The following ATP11B variants were observed in gnomAD, a reference collection of about 807,000 sequenced individuals.
ATP11B encodes phospholipid-transporting ATPase IF.
Under a neutral mutation model 157.8 loss-of-function variants are expected in ATP11B, and 81 were observed. That is an observed-to-expected ratio of 0.51 (90% CI 0.43 to 0.62). ATP11B has a LOEUF of 0.62. ATP11B is among the 20% of genes least tolerant of loss of function. The pLI is 0.00. For synonymous variants in ATP11B, 451 were observed against 469.4 expected, an observed-to-expected ratio of 0.96 and a Z score of 0.51; for missense variants, 1,165 against 1,402.2, an observed-to-expected ratio of 0.83 and a Z score of 2.70.
At position 182,919,842 on chromosome 3, in the gene ATP11B, T is replaced by A. The variant is rs552263246; in HGVS notation, c.*1738T>A. 9 of 152,332 alleles carry A rather than the reference T, an allele frequency of 5.9e-5. No homozygotes were observed. Among genetic ancestry groups the A allele is most frequent in the African/African-American group, 2.2e-4 (9 of 41,592 alleles). 9.4% of individuals were successfully genotyped at this position (152,332 alleles called of 1,614,324 possible). Reference sequence around the variant, plus strand: ...AATATTAATTTTCAAAAATAGTCCTTCTTTAACTTAGATATTTCATAGCTG... The same window carrying A: ...AATATTAATTTTCAAAAATAGTCCTACTTTAACTTAGATATTTCATAGCTG... On this transcript the variant is annotated 3_prime_UTR_variant, in exon 30 of 30. Coordinates refer to ENST00000323116, the MANE Select transcript of ATP11B (RefSeq NM_014616.3).
intron 1 of ATP11B, among the ~76,000 whole-genome samples, chr3:182,797,911 T>A (rs1715733263): frequency 6.6e-6 from 1 of 152,194 alleles, no homozygotes; most frequent in African/African-American, 2.4e-5. Flanking sequence ...CTATTAGTGC[T>A]GCTGTATAAC....
At chr3:182,858,498 A>G (rs920537056) in intron 11 of ATP11B, among the ~76,000 whole-genome samples, 2 of 152,202 alleles carry the variant, frequency 1.3e-5, no homozygotes, top group Admixed American at 6.5e-5. Context: ...AATTTAACCT[A>G]TAATTTTGGT....
At chr3:182,898,067 A>T (rs1723679044) in intron 27 of ATP11B, among the ~76,000 whole-genome samples, 3 of 152,050 alleles carry the variant, frequency 2.0e-5, no homozygotes, top group Non-Finnish European at 4.4e-5. Flanking sequence ...CTAAATATTA[A>T]CTTCTATTTA....
chr3:182,847,656 G>T lies in ATP11B; in HGVS notation c.770-820G>T, dbSNP rs747634690. On this transcript the variant is annotated intron_variant, in intron 9 of 29. Coordinates refer to ENST00000323116, the MANE Select transcript of ATP11B (RefSeq NM_014616.3). ...TTGCTTTTCAAATTGTACTATTTAG[G>T]GATGGGAATGAATATTTATTGATCA... Among the ~76,000 whole-genome samples, 148 of 152,236 alleles carry T rather than the reference G, an allele frequency of 9.7e-4. 1 individual carries two copies. Among genetic ancestry groups the T allele is most frequent in the Non-Finnish European group, 1.5e-4 (10 of 68,022 alleles).
intron 28 of ATP11B, 121 bp downstream of exon 28, chr3:182,898,893 T>C: frequency 1.6e-6 from 1 of 615,984 alleles, no homozygotes; most frequent in Non-Finnish European, 2.5e-6. Flanking sequence ...GTTTCAACTA[T>C]TTTGTAACAT....
At chr3:182,821,959 T>C (rs1022598309) in intron 2 of ATP11B, among the ~76,000 whole-genome samples, 7 of 152,232 alleles carry the variant, frequency 4.6e-5, no homozygotes, top group African/African-American at 1.7e-4. Context: ...TTCTTTGCCC[T>C]GCCCCATGTT....
intron 27 of ATP11B, 77 bp from the exon 28 acceptor site, chr3:182,898,530 T>G (rs1723722839): frequency 8.7e-7 from 1 of 1,146,098 alleles, no homozygotes; most frequent in African/African-American, 1.6e-5. Context: ...TACTTTCAAC[T>G]GTAGTGTCTT....
At chr3:182,852,399 A>C (rs533174232) in intron 10 of ATP11B, among the ~76,000 whole-genome samples, 8 of 152,356 alleles carry the variant, frequency 5.3e-5, no homozygotes, top group African/African-American at 1.7e-4. Context: ...AAGAGGGGAT[A>C]GCTCCATAGA....
intron 15 of ATP11B, among the ~76,000 whole-genome samples, chr3:182,868,568 G>A (rs1032970173): frequency 2.0e-5 from 3 of 151,748 alleles, no homozygotes; most frequent in East Asian, 1.9e-4. Flanking sequence ...ATGGACCCCC[G>A]CACACACACA....
At chr3:182,817,442 A>G (rs1717034784) in intron 1 of ATP11B, among the ~76,000 whole-genome samples, 2 of 152,022 alleles carry the variant, frequency 1.3e-5, no homozygotes, top group South Asian at 2.1e-4. Flanking sequence ...CACCACACCC[A>G]GCTAATTTTT....
intron 29 of ATP11B, 80 bp downstream of exon 29, chr3:182,914,074 TAATA>T: frequency 6.4e-6 from 10 of 1,568,450 alleles, no homozygotes; most frequent in Non-Finnish European, 7.8e-6. Flanking sequence ...TCTAGATACC[TAATA>T]AATCAGCAGC....
intron 28 of ATP11B, among the ~76,000 whole-genome samples, chr3:182,899,381 G>A (rs1211941257): frequency 6.6e-6 from 1 of 151,890 alleles, no homozygotes; most frequent in African/African-American, 2.4e-5. Flanking sequence ...TCGATCCCCT[G>A]ACCTCATGAT....
At chr3:182,912,487 AAC>A (rs1724864277) in intron 28 of ATP11B, among the ~76,000 whole-genome samples, 1 of 152,122 alleles carries the variant, frequency 6.6e-6, no homozygotes, top group South Asian at 2.1e-4. Context: ...TATCTTACAA[AAC>A]ACAGTTTAAG....
intron 4 of ATP11B, 55 bp downstream of exon 4, chr3:182,829,807 A>ATT: frequency 6.9e-7 from 1 of 1,455,284 alleles, no homozygotes; most frequent in Non-Finnish European, 9.3e-7. Context: ...AAGTTGCTAA[A>ATT]TATTTCCACT....
At chr3:182,814,123 T>C (rs554296130) in intron 1 of ATP11B, among the ~76,000 whole-genome samples, 1 of 152,250 alleles carries the variant, frequency 6.6e-6, no homozygotes, top group East Asian at 1.9e-4. Context: ...AGTACAATGG[T>C]GCAATCTTGG....
intron 28 of ATP11B, 42 bp from the exon 29 acceptor site, chr3:182,913,819 A>G (rs935411191): frequency 7.4e-6 from 12 of 1,613,672 alleles, no homozygotes; most frequent in Admixed American, 5.0e-5. Context: ...TCAGAAGTCC[A>G]TATCTTTAAA....
rs759461824 is a variant in ATP11B, at chr3:182,848,567, CTG to C, written c.851+12_851+13del. On this transcript the variant is annotated intron_variant, in intron 10 of 29. Transcript: ENST00000323116. The stretch of plus-strand genomic sequence containing the variant: ...GATCTGCAGTAGAAAAGTAAGAAAA[CTG>C]TTTTCATTTATTTATATGTAATTAT... 39 of 1,495,590 alleles carry C rather than the reference CTG, an allele frequency of 2.6e-5. No homozygotes were observed. In the South Asian group the frequency reaches 2.8e-4, roughly 11 times the overall value. The allele number at this position is 1,495,590 out of a possible 1,614,324, so 92.6% of individuals were successfully genotyped here.
chr3:182,865,745 T>C, intron 13 of ATP11B, 47 bp downstream of exon 13: 1 of 1,494,944 alleles, frequency 6.7e-7, no homozygotes, highest in Non-Finnish European at 9.0e-7. Context: ...ATGAAATAAT[T>C]CTCTTCAGTA....
In ATP11B at chr3:182,866,976, GC is replaced by G. The variant is rs1193984285; in HGVS notation, c.1620-399del. Among the ~76,000 whole-genome samples, 4 of 150,548 alleles carry G rather than the reference GC, an allele frequency of 2.7e-5. No homozygotes were observed. In the South Asian group the frequency reaches 8.4e-4, roughly 32 times the overall value. On this transcript the variant is annotated intron_variant, in intron 14 of 29. Coordinates refer to ENST00000323116, the MANE Select transcript of ATP11B (RefSeq NM_014616.3). ...GATGGAATCTCACTCTGTCACCCAG[GC>G]TGGAGTGCAGTGGTGTGATCTCAGC...
Sources: allele counts gnomAD v4.1 joint callset (sites outside exome capture counted in the v4.1 genomes callset), GRCh38; gene constraint gnomAD v4.1.1; transcripts MANE v1.5; gene names NCBI Gene and HGNC (gene_info 2026-07-23, HGNC 2026-07-21).